The following SHANK2 variants were observed in gnomAD, a reference collection of about 807,000 sequenced individuals.
SHANK2 encodes SH3 and multiple ankyrin repeat domains protein 2.
Under a neutral mutation model 133.7 loss-of-function variants are expected in SHANK2, and 43 were observed. The observed-to-expected ratio is 0.32, with a 90% CI of 0.25 to 0.41. The LOEUF (loss-of-function observed/expected upper bound fraction) is 0.41. Ranked by LOEUF, SHANK2 falls within the 10% of genes least tolerant of loss-of-function variation. The pLI is 1.00. For missense variants in SHANK2, 1,994 were observed against 2,235.8 expected (o/e 0.89, Z 2.18); for synonymous variants, 1,017 against 952.8 (o/e 1.07, Z -1.24).
intron 8 of SHANK2, among the ~76,000 whole-genome samples, chr11:71,082,342 C>T (rs968934942): frequency 6.6e-6 from 1 of 152,198 alleles, no homozygotes; most frequent in African/African-American, 2.4e-5. Flanking sequence ...AGGCAATGGT[C>T]ATCTTGGGGC....
intron 4 of SHANK2, among the ~76,000 whole-genome samples, chr11:71,117,427 T>C (rs1448490783): frequency 6.6e-6 from 1 of 152,224 alleles, no homozygotes; most frequent in Admixed American, 6.5e-5. Flanking sequence ...AAAACCTTTG[T>C]ACTGTCCTCA....
chr11:70,581,781 G>A (rs370737038), intron 17 of SHANK2, among the ~76,000 whole-genome samples: 4 of 152,324 alleles, frequency 2.6e-5, no homozygotes, highest in East Asian at 3.9e-4. Context: ...CATGAGTATA[G>A]AGAGTCCAGC....
At chr11:70,774,190 A>C (rs958806137) in intron 14 of SHANK2, among the ~76,000 whole-genome samples, 2 of 152,224 alleles carry the variant, frequency 1.3e-5, no homozygotes, top group Admixed American at 1.3e-4. Context: ...TGTCCTAACT[A>C]AAAGAAGCTG....
At chr11:71,147,042 A>T in intron 3 of SHANK2, 78 bp downstream of exon 3, 1 of 1,252,052 alleles carries the variant, frequency 8.0e-7, no homozygotes, top group Non-Finnish European at 1.1e-6. Flanking sequence ...TCCGGGGAGG[A>T]CCAGAGCAGG....
At chr11:70,843,366 G>T (rs1188729764) in intron 11 of SHANK2, among the ~76,000 whole-genome samples, 2 of 152,012 alleles carry the variant, frequency 1.3e-5, no homozygotes, top group African/African-American at 4.8e-5. Flanking sequence ...GGAGGAGGAA[G>T]GGAAGCAAGT....
intron 9 of SHANK2, among the ~76,000 whole-genome samples, chr11:71,066,148 T>TGGGAG (rs1951057697): frequency 1.7e-3 from 3 of 1,792 alleles, no homozygotes; most frequent in African/African-American, 2.5e-3. Context: ...GGAAGTTGGG[T>TGGGAG]GGGGGGGGTG....
At chr11:70,678,030 C>G (rs1555017624) in intron 15 of SHANK2, among the ~76,000 whole-genome samples, 1 of 152,174 alleles carries the variant, frequency 6.6e-6, no homozygotes, top group African/African-American at 2.4e-5. Context: ...AAAAGACAAC[C>G]CCTTGCACCA....
intron 14 of SHANK2, among the ~76,000 whole-genome samples, chr11:70,721,053 T>G (rs967707202): frequency 2.0e-5 from 3 of 152,216 alleles, no homozygotes; most frequent in Admixed American, 2.0e-4. Context: ...CAGGCAGGCC[T>G]GAGGTGAGAT....
At chr11:70,925,438 C>A (rs1428403400) in intron 10 of SHANK2, among the ~76,000 whole-genome samples, 1 of 152,176 alleles carries the variant, frequency 6.6e-6, no homozygotes, top group Admixed American at 6.5e-5. Flanking sequence ...CAGAACATGT[C>A]TCTTCCAGTG....
At chr11:70,792,193 A>G (rs1259995232) in intron 14 of SHANK2, among the ~76,000 whole-genome samples, 1 of 151,586 alleles carries the variant, frequency 6.6e-6, no homozygotes, top group Non-Finnish European at 1.5e-5. Context: ...CCAGACAGCT[A>G]ATCAACCAAC....
At chr11:70,493,464 ATTT>A (rs34242934) in intron 21 of SHANK2, among the ~76,000 whole-genome samples, 14 of 140,234 alleles carry the variant, frequency 1.0e-4, no homozygotes, top group Admixed American at 1.4e-4. Flanking sequence ...TTTGCAGCAC[ATTT>A]TTTTTTTTTT....
chr11:70,593,160 T>C (rs143533651), intron 17 of SHANK2, among the ~76,000 whole-genome samples: 1 of 152,326 alleles, frequency 6.6e-6, no homozygotes, highest in East Asian at 1.9e-4. Flanking sequence ...CCAGCACGCG[T>C]AGGACTTTGG....
intron 9 of SHANK2, among the ~76,000 whole-genome samples, chr11:71,062,586 T>C (rs1041013238): frequency 6.6e-6 from 1 of 152,204 alleles, no homozygotes; most frequent in Non-Finnish European, 1.5e-5. Context: ...AAAACCCAGA[T>C]GGCTGAGAGT....
rs529214554 is a variant in SHANK2, at chr11:70,918,000, T to C, written c.1108-21433A>G. On this transcript the variant is annotated intron_variant, in intron 10 of 25. Transcript: ENST00000601538. ...AACAAACCTGCCCGTTCTGCACATA[T>C]ACCCCTGAACTTAAAAGTTTTTTTT... is the stretch of plus-strand genomic sequence containing the variant. Among the ~76,000 whole-genome samples, 58 of 146,756 alleles carry C rather than the reference T, an allele frequency of 4.0e-4. No homozygotes were observed. The Middle Eastern group carries it at 0.018, about 45-fold the overall frequency.
intron 14 of SHANK2, among the ~76,000 whole-genome samples, chr11:70,716,002 C>T (rs972753223): frequency 3.3e-5 from 5 of 152,172 alleles, no homozygotes; most frequent in Admixed American, 1.3e-4. Flanking sequence ...CTCTGTGTAC[C>T]CCTGCCCCCT....
intron 10 of SHANK2, chr11:70,942,937 G>A (rs1950668363): frequency 2.2e-6 from 1 of 451,948 alleles, no homozygotes; most frequent in Non-Finnish European, 4.5e-6. Context: ...AAAGATAGAT[G>A]GGAAAGTGCA....
chr11:70,548,575 C>G (rs569584170), intron 17 of SHANK2, among the ~76,000 whole-genome samples: 1 of 152,194 alleles, frequency 6.6e-6, no homozygotes, highest in Non-Finnish European at 1.5e-5. Context: ...AGGATGAGAA[C>G]AGAGGCTGTC....
rs566046966 is a variant in SHANK2 at position 71,191,574 on chromosome 11, G to C, written c.-13+33123C>G. Among the ~76,000 whole-genome samples, 9 of 152,190 alleles carry C rather than the reference G, an allele frequency of 5.9e-5. No individual in the cohort carries two copies. The East Asian group carries it at 1.7e-3, about 29-fold the overall frequency. On this transcript the variant is annotated intron_variant, in intron 2 of 25. Coordinates refer to ENST00000601538, the MANE Select transcript of SHANK2 (RefSeq NM_012309.5). ...TCTGTTTTTTGTTTTGTTTTGTTTG[G>C]AGATGGGGTCTCACTCTGTCTGTCA...
intron 14 of SHANK2, among the ~76,000 whole-genome samples, chr11:70,736,864 C>A (rs568948414): frequency 6.6e-6 from 1 of 152,060 alleles, no homozygotes; most frequent in Non-Finnish European, 1.5e-5. Flanking sequence ...CAGAACCAAA[C>A]GGTTTGTCAA....
Sources: allele counts gnomAD v4.1 joint callset (sites outside exome capture counted in the v4.1 genomes callset), GRCh38; gene constraint gnomAD v4.1.1; transcripts MANE v1.5; gene names NCBI Gene and HGNC (gene_info 2026-07-23, HGNC 2026-07-21).